Variants in CRTC3 observed in about 807,000 individuals in gnomAD.
CRTC3 encodes the protein CREB-regulated transcription coactivator 3.
A neutral mutation model predicts 74.5 loss-of-function variants in CRTC3; 26 were observed. That is an observed-to-expected ratio of 0.35 (90% CI 0.26 to 0.48). The LOEUF (loss-of-function observed/expected upper bound fraction) is 0.48. CRTC3 is among the 20% of genes least tolerant of loss of function. The pLI, the probability that CRTC3 is intolerant of heterozygous loss-of-function variation, is 0.99. For missense variants in CRTC3, 760 were observed against 787.3 expected, an observed-to-expected ratio of 0.97 and a Z score of 0.41; for synonymous variants, 377 against 325.8, an observed-to-expected ratio of 1.16 and a Z score of -1.69.
chr15:90,563,291 A>G (rs933811872), intron 2 of CRTC3, among the ~76,000 whole-genome samples: 1 of 152,142 alleles, frequency 6.6e-6, no homozygotes, highest in East Asian at 1.9e-4. Context: ...CGGTAATCCC[A>G]GCTACTCGGG....
At chr15:90,598,416 A>G (rs989656970) in intron 3 of CRTC3, 14 of 702,824 alleles carry the variant, frequency 2.0e-5, no homozygotes, top group Non-Finnish European at 3.6e-5. Flanking sequence ...TCCTTTGGTG[A>G]AGAGTAAGAA....
At chr15:90,593,416 T>C (rs576882262) in intron 2 of CRTC3, among the ~76,000 whole-genome samples, 3 of 152,362 alleles carry the variant, frequency 2.0e-5, no homozygotes, top group South Asian at 4.1e-4. Context: ...TTCTTTCAGC[T>C]TTCCTCTTAA....
chr15:90,609,635 C>A (rs1439034344), intron 6 of CRTC3, among the ~76,000 whole-genome samples: 1 of 152,142 alleles, frequency 6.6e-6, no homozygotes, highest in Non-Finnish European at 1.5e-5. Context: ...TTGAGGCTTG[C>A]ATGCTAAGAA....
At chr15:90,617,735 T>G in intron 7 of CRTC3, 148 bp from the exon 8 acceptor site, 1 of 565,592 alleles carries the variant, frequency 1.8e-6, no homozygotes, top group Non-Finnish European at 3.2e-6. Flanking sequence ...CTCACTATGT[T>G]GCCCAGGCTT....
chr15:90,565,202 C>A (rs954054048), intron 2 of CRTC3, among the ~76,000 whole-genome samples: 2 of 152,200 alleles, frequency 1.3e-5, no homozygotes, highest in South Asian at 4.1e-4. Flanking sequence ...CCCACCTCAG[C>A]CTCCCAAAGT....
At chr15:90,620,848 T>A (rs1477648287) in intron 9 of CRTC3, among the ~76,000 whole-genome samples, 1 of 152,092 alleles carries the variant, frequency 6.6e-6, no homozygotes, top group Non-Finnish European at 1.5e-5. Context: ...CTTCAAGCAG[T>A]CATTGAATGT....
At chr15:90,633,208 T>TCTGA (rs1969106765) in intron 11 of CRTC3, among the ~76,000 whole-genome samples, 1 of 152,090 alleles carries the variant, frequency 6.6e-6, no homozygotes, top group South Asian at 2.1e-4. Context: ...TTAATAAATG[T>TCTGA]CTGACTTTTT....
At chr15:90,553,268 G>A (rs536605016) in intron 2 of CRTC3, among the ~76,000 whole-genome samples, 1 of 152,278 alleles carries the variant, frequency 6.6e-6, no homozygotes, top group South Asian at 2.1e-4. Flanking sequence ...CTGTGTCTGT[G>A]TGTGATGTGC....
chr15:90,572,617 C>A lies in CRTC3; in HGVS notation c.232-21019C>A, dbSNP rs1263179039. Among the ~76,000 whole-genome samples, 3 of 152,096 alleles carry A rather than the reference C, an allele frequency of 2.0e-5. No homozygotes were observed. In the East Asian group the frequency reaches 5.8e-4, roughly 29 times the overall value. ...TTGAGATGGAGTCTCACTCTGTCAC[C>A]CAGGCTGGAGTGCAGTAGTGCAATC... On this transcript the variant is annotated intron_variant, in intron 2 of 14. Coordinates refer to ENST00000268184, the MANE Select transcript of CRTC3 (RefSeq NM_022769.5).
chr15:90,604,280 A>G (rs1104880), intron 4 of CRTC3, 105 bp from the exon 5 acceptor site: 369,905 of 817,128 alleles, frequency 0.45, 88,656 homozygotes, highest in Non-Finnish European at 0.51. Context: ...ACTCTTGCAG[A>G]GCGAGGTGAG....
At chr15:90,640,566 C>T (rs1317432967) in intron 13 of CRTC3, among the ~76,000 whole-genome samples, 1 of 152,024 alleles carries the variant, frequency 6.6e-6, no homozygotes, top group Non-Finnish European at 1.5e-5. Context: ...CATGTGGTCC[C>T]AGCTATTTGG....
intron 2 of CRTC3, among the ~76,000 whole-genome samples, chr15:90,557,894 C>G (rs987647496): frequency 6.6e-6 from 1 of 152,126 alleles, no homozygotes; most frequent in African/African-American, 2.4e-5. Flanking sequence ...TTTCCCTGTG[C>G]CTTGTTTTTA....
intron 2 of CRTC3, among the ~76,000 whole-genome samples, chr15:90,568,631 C>T (rs1302051811): frequency 2.0e-5 from 3 of 152,006 alleles, no homozygotes; most frequent in Non-Finnish European, 2.9e-5. Context: ...GATTACAGAC[C>T]TATTGACTCC....
intron 2 of CRTC3, 59 bp from the exon 3 acceptor site, chr15:90,593,577 T>C: frequency 1.3e-6 from 2 of 1,576,138 alleles, no homozygotes; most frequent in South Asian, 2.3e-5. Flanking sequence ...TCAGTTGTTC[T>C]TGAGGGTGAG....
intron 2 of CRTC3, among the ~76,000 whole-genome samples, chr15:90,583,601 T>C (rs1644268966): frequency 6.6e-6 from 1 of 152,204 alleles, no homozygotes; most frequent in Non-Finnish European, 1.5e-5. Context: ...GAGACTGGAA[T>C]AGACTAGCCC....
rs544888012 is a variant in CRTC3, at chr15:90,619,874, T to C, written c.749+84T>C. ...GTCTCGCTGCTTTGTTACAGAACTC[T>C]CAGAAACGTAACTTGCTATGCATAA... On this transcript the variant is annotated intron_variant, in intron 9 of 14. Transcript: ENST00000268184. 2.9e-5 allele frequency: 34 copies of C among 1,176,764 alleles called. No individual in the cohort carries two copies. The African/African-American group carries it at 4.1e-4, about 14-fold the overall frequency. 72.9% of individuals were successfully genotyped at this position (1,176,764 alleles called of 1,614,324 possible).
chr15:90,553,283 T>C (rs1330379948), intron 2 of CRTC3, among the ~76,000 whole-genome samples: 2 of 152,208 alleles, frequency 1.3e-5, no homozygotes, highest in Non-Finnish European at 2.9e-5. Context: ...ATGTGCTCAC[T>C]GGTTTGCCTT....
chr15:90,577,578 C>A (rs1967436258), intron 2 of CRTC3, among the ~76,000 whole-genome samples: 2 of 152,128 alleles, frequency 1.3e-5, no homozygotes, highest in Admixed American at 1.3e-4. Context: ...GAGGAGATAT[C>A]TGCACTCCCA....
At chr15:90,579,089 A>G (rs1170950176) in intron 2 of CRTC3, among the ~76,000 whole-genome samples, 1 of 152,130 alleles carries the variant, frequency 6.6e-6, no homozygotes, top group Non-Finnish European at 1.5e-5. Context: ...ATCCTTACTA[A>G]ACATGTTTTT....
Sources: allele counts gnomAD v4.1 joint callset (sites outside exome capture counted in the v4.1 genomes callset), GRCh38; gene constraint gnomAD v4.1.1; transcripts MANE v1.5; gene names NCBI Gene and HGNC (gene_info 2026-07-23, HGNC 2026-07-21).